The following GABRB1 variants were observed in gnomAD, a reference collection of about 807,000 sequenced individuals.
GABRB1 encodes the protein gamma-aminobutyric acid type A receptor subunit beta1.
In GABRB1, 17 loss-of-function variants were observed where a neutral mutation model predicts 51.6. The observed-to-expected ratio is 0.33, with a 90% CI of 0.23 to 0.49. GABRB1 has a LOEUF of 0.49. Among genes scored for constraint, GABRB1 ranks in the 20% least tolerant of loss-of-function variants. The pLI, the probability that GABRB1 is intolerant of heterozygous loss-of-function variation, is 0.99. For missense variants in GABRB1, 410 were observed against 600.6 expected (o/e 0.68, Z 3.32); for synonymous variants, 247 against 218.9 (o/e 1.13, Z -1.14).
chr4:47,259,044 G>A (rs561061690), intron 4 of GABRB1, among the ~76,000 whole-genome samples: 98 of 152,178 alleles, frequency 6.4e-4, no homozygotes, highest in African/African-American at 2.2e-3. Context: ...TAAGTAAACT[G>A]CAGCCTTGAA....
At chr4:47,387,777 T>G (rs1290945859) in intron 5 of GABRB1, among the ~76,000 whole-genome samples, 1 of 152,114 alleles carries the variant, frequency 6.6e-6, no homozygotes, top group Non-Finnish European at 1.5e-5. Flanking sequence ...GTATAGAGGC[T>G]TAACCCCAGC....
At chr4:47,404,489 GCACACACA>G (rs56335154) in intron 7 of GABRB1, among the ~76,000 whole-genome samples, 2,583 of 145,562 alleles carry the variant, frequency 0.018, 31 homozygotes, top group African/African-American at 0.038. Context: ...ACACACGCAT[GCACACACA>G]CACACACACA....
chr4:47,353,673 T>C (rs1726446095), intron 5 of GABRB1, among the ~76,000 whole-genome samples: 1 of 152,192 alleles, frequency 6.6e-6, no homozygotes, highest in South Asian at 2.1e-4. Context: ...ATTTTATTTT[T>C]CATCAGGCAT....
intron 3 of GABRB1, among the ~76,000 whole-genome samples, chr4:47,157,647 A>G (rs928047636): frequency 5.3e-5 from 8 of 152,154 alleles, no homozygotes. Context: ...AGAGCACGCC[A>G]CAGGAGAAGG....
intron 3 of GABRB1, among the ~76,000 whole-genome samples, chr4:47,089,781 C>CT (rs1728221791): frequency 6.6e-6 from 1 of 151,764 alleles, no homozygotes; most frequent in African/African-American, 2.4e-5. Context: ...ATCTTTTATG[C>CT]TATTAAAATT....
At chr4:47,020,130 T>C (rs1352436379) in intron 1 of GABRB1, among the ~76,000 whole-genome samples, 1 of 152,008 alleles carries the variant, frequency 6.6e-6, no homozygotes, top group Non-Finnish European at 1.5e-5. Context: ...TGCAGATGAC[T>C]GCCTTCTCCT....
intron 3 of GABRB1, among the ~76,000 whole-genome samples, chr4:47,111,100 G>A (rs1715193500): frequency 6.6e-6 from 1 of 152,128 alleles, no homozygotes; most frequent in Admixed American, 6.5e-5. Context: ...ATTTTCAGTA[G>A]TTCTTCAAAA....
chr4:47,065,696 T>C (rs544476187), intron 3 of GABRB1, among the ~76,000 whole-genome samples: 9 of 152,282 alleles, frequency 5.9e-5, no homozygotes, highest in Non-Finnish European at 1.3e-4. Flanking sequence ...AAATAACTCC[T>C]GCAAATTGAA....
At chr4:47,406,294 C>T (rs1160059610) in intron 7 of GABRB1, among the ~76,000 whole-genome samples, 1 of 152,106 alleles carries the variant, frequency 6.6e-6, no homozygotes, top group East Asian at 1.9e-4. Context: ...ATCACAAAGA[C>T]AGATTTAGGA....
intron 1 of GABRB1, among the ~76,000 whole-genome samples, chr4:46,999,495 G>C (rs1160314659): frequency 6.6e-6 from 1 of 152,098 alleles, no homozygotes; most frequent in Non-Finnish European, 1.5e-5. Context: ...TCATTTAACA[G>C]GGAAGTGGAT....
intron 8 of GABRB1, among the ~76,000 whole-genome samples, chr4:47,414,432 T>C (rs1476476406): frequency 2.6e-5 from 4 of 152,186 alleles, no homozygotes; most frequent in Admixed American, 6.5e-5. Context: ...AAAAGACAAA[T>C]GGTTGCATTC....
intron 4 of GABRB1, among the ~76,000 whole-genome samples, chr4:47,283,658 G>T (rs1367447497): frequency 6.6e-6 from 1 of 151,776 alleles, no homozygotes; most frequent in Non-Finnish European, 1.5e-5. Flanking sequence ...AAAGTGCTGG[G>T]ATTACAGGCT....
At chr4:47,247,517 C>G (rs1721811340) in intron 4 of GABRB1, among the ~76,000 whole-genome samples, 1 of 151,952 alleles carries the variant, frequency 6.6e-6, no homozygotes, top group South Asian at 2.1e-4. Flanking sequence ...TTTTTTGGTT[C>G]CATATGAGTT....
chr4:47,198,313 C>T (rs1719770306), intron 4 of GABRB1, among the ~76,000 whole-genome samples: 1 of 152,136 alleles, frequency 6.6e-6, no homozygotes, highest in South Asian at 2.1e-4. Context: ...TAGTGGGATA[C>T]TGTGCTAACA....
chr4:47,274,577 C>A (rs1237573234), intron 4 of GABRB1, among the ~76,000 whole-genome samples: 1 of 152,124 alleles, frequency 6.6e-6, no homozygotes, highest in Admixed American at 6.6e-5. Flanking sequence ...TCCCCACTTG[C>A]ACACCAACCC....
intron 4 of GABRB1, among the ~76,000 whole-genome samples, chr4:47,301,614 A>G (rs1033141456): frequency 7.3e-6 from 1 of 136,556 alleles, no homozygotes; most frequent in Non-Finnish European, 1.5e-5. Context: ...AGCCTGGGCA[A>G]CTGAGCTAGA....
At chr4:47,001,125 T>A (rs560413257) in intron 1 of GABRB1, among the ~76,000 whole-genome samples, 117 of 152,024 alleles carry the variant, frequency 7.7e-4, no homozygotes, top group African/African-American at 2.7e-3. Flanking sequence ...TTATTTTAAT[T>A]TAATTTTAGT....
At chr4:47,127,444 A>G (rs1336334672) in intron 3 of GABRB1, among the ~76,000 whole-genome samples, 2 of 151,804 alleles carry the variant, frequency 1.3e-5, no homozygotes, top group East Asian at 1.9e-4. Flanking sequence ...TCTATAACAA[A>G]CAATGCCTAT....
chr4:47,411,078 A>G (rs1016393537), intron 8 of GABRB1, among the ~76,000 whole-genome samples: 10 of 152,242 alleles, frequency 6.6e-5, no homozygotes, highest in African/African-American at 2.4e-4. Flanking sequence ...AAATTACTAG[A>G]CATAAGAAGA....
Sources: gnomAD v4.1 joint callset for allele counts (sites outside exome capture counted in the v4.1 genomes callset) on GRCh38, gnomAD v4.1.1 for gene constraint, MANE v1.5 for transcripts, NCBI Gene and HGNC (gene_info 2026-07-23, HGNC 2026-07-21) for gene names.